Variants in ZNF451 observed in about 807,000 individuals in gnomAD.
ZNF451 encodes E3 SUMO-protein ligase ZNF451.
ZNF451 carries 80 observed loss-of-function variants against 107.1 expected under a neutral mutation model. The observed-to-expected ratio is 0.75, with a 90% CI of 0.62 to 0.90. The LOEUF is 0.90. Among genes scored for constraint, ZNF451 ranks in the 40% least tolerant of loss-of-function variants. The pLI is 0.00. For missense variants in ZNF451, 1,107 were observed against 1,236.2 expected (o/e 0.90, Z 1.57); for synonymous variants, 362 against 406.5 (o/e 0.89, Z 1.32).
chr6:57,123,691 G>A (rs1830756849), intron 3 of ZNF451, among the ~76,000 whole-genome samples: 1 of 151,988 alleles, frequency 6.6e-6, no homozygotes, highest in South Asian at 2.1e-4. Context: ...AAAGTTTTAT[G>A]TGTTATTTCA....
chr6:57,106,965 CTGGA>C, intron 3 of ZNF451: 3 of 927,638 alleles, frequency 3.2e-6, no homozygotes, highest in Non-Finnish European at 3.9e-6. Context: ...ATTTCCCTTC[CTGGA>C]TGAACAGAAT....
At chr6:57,101,420 C>T in intron 3 of ZNF451, 1 of 1,550,754 alleles carries the variant, frequency 6.4e-7, no homozygotes, top group Non-Finnish European at 8.7e-7. Context: ...GCCAAGGACA[C>T]CTCTCCTTTC....
chr6:57,102,499 T>A (rs1334010930), intron 3 of ZNF451: 2 of 992,634 alleles, frequency 2.0e-6, no homozygotes, highest in Non-Finnish European at 2.4e-6. Context: ...AGATGTCTGT[T>A]TACTAAGACC....
chr6:57,106,470 C>G, intron 3 of ZNF451: 1 of 560,364 alleles, frequency 1.8e-6, no homozygotes, highest in East Asian at 1.5e-4. Context: ...CCATGACCTG[C>G]TAATTTTGTA....
intron 3 of ZNF451, chr6:57,104,717 T>G (rs1165233880): frequency 4.2e-5 from 41 of 985,318 alleles, no homozygotes; most frequent in Non-Finnish European, 4.8e-5. Flanking sequence ...CTTAAATATT[T>G]GTAAGATGAT....
chr6:57,111,022 C>T (rs1461054283), intron 3 of ZNF451, among the ~76,000 whole-genome samples: 2 of 151,744 alleles, frequency 1.3e-5, no homozygotes, highest in Non-Finnish European at 2.9e-5. Flanking sequence ...CAGGTTCAAG[C>T]GATTCTCCTG....
intron 14 of ZNF451, among the ~76,000 whole-genome samples, chr6:57,161,677 T>C (rs913657131): frequency 6.6e-6 from 1 of 152,106 alleles, no homozygotes; most frequent in Non-Finnish European, 1.5e-5. Context: ...AAAATAAATT[T>C]TAAAAGGGTT....
At chr6:57,098,862 G>T (rs549782312) in intron 2 of ZNF451, among the ~76,000 whole-genome samples, 199 bp from the exon 3 acceptor site, 4 of 152,012 alleles carry the variant, frequency 2.6e-5, no homozygotes, top group Non-Finnish European at 5.9e-5. Context: ...CTTCCTTTTA[G>T]GTCTTGTCAT....
At chr6:57,109,711 G>A in intron 3 of ZNF451, 2 of 961,962 alleles carry the variant, frequency 2.1e-6, no homozygotes, top group Non-Finnish European at 2.5e-6. Context: ...TATATTTAAA[G>A]TAAAATAGTC....
chr6:57,154,129 T>G, intron 13 of ZNF451, 82 bp downstream of exon 13: 1 of 1,359,958 alleles, frequency 7.4e-7, no homozygotes, highest in Non-Finnish European at 1.0e-6. Flanking sequence ...TGCTGTCCGC[T>G]AGTGAACTGT....
chr6:57,108,343 C>T (rs150660613), intron 3 of ZNF451: 1 of 985,358 alleles, frequency 1.0e-6, no homozygotes, highest in African/African-American at 1.7e-5. Flanking sequence ...CTCTTGTTAA[C>T]TCTACTTTTA....
intron 6 of ZNF451, 21 bp from the exon 7 acceptor site, chr6:57,134,723 C>T (rs769996003): frequency 6.2e-6 from 10 of 1,606,346 alleles, no homozygotes; most frequent in Admixed American, 1.7e-5. Context: ...AATATTACCT[C>T]TTACCTCTTT....
chr6:57,115,698 G>A (rs1830334252), intron 3 of ZNF451: 1 of 152,164 alleles, frequency 6.6e-6, no homozygotes, highest in Admixed American at 6.5e-5. Flanking sequence ...GGGTATGGAA[G>A]AAAACTAATG....
intron 10 of ZNF451, among the ~76,000 whole-genome samples, chr6:57,149,786 G>C (rs1388907470): frequency 6.6e-6 from 1 of 151,854 alleles, no homozygotes; most frequent in East Asian, 1.9e-4. Context: ...TGAAACACTG[G>C]TTACACCATT....
At chr6:57,131,981 A>C (rs1182661984) in intron 5 of ZNF451, among the ~76,000 whole-genome samples, 1 of 152,176 alleles carries the variant, frequency 6.6e-6, no homozygotes, top group African/African-American at 2.4e-5. Flanking sequence ...GGATTCATCT[A>C]CAAGTTGTGT....
At chr6:57,103,836 G>T in intron 3 of ZNF451, 1 of 985,132 alleles carries the variant, frequency 1.0e-6, no homozygotes, top group Non-Finnish European at 1.2e-6. Flanking sequence ...ATAATCTATT[G>T]GAAGCTCATT....
chr6:57,138,353 C>T (rs1031646983), intron 7 of ZNF451, among the ~76,000 whole-genome samples: 3 of 151,664 alleles, frequency 2.0e-5, no homozygotes, highest in African/African-American at 7.3e-5. Flanking sequence ...ACCTCTGCCT[C>T]CCGGGTTCAA....
intron 3 of ZNF451, chr6:57,107,599 G>A (rs1829923702): frequency 3.0e-6 from 3 of 985,170 alleles, no homozygotes; most frequent in Non-Finnish European, 3.6e-6. Flanking sequence ...TTATAATACA[G>A]CTCTGATATA....
chr6:57,142,413 C>T (rs898699332), intron 9 of ZNF451, among the ~76,000 whole-genome samples: 4 of 152,168 alleles, frequency 2.6e-5, no homozygotes, highest in Non-Finnish European at 4.4e-5. Flanking sequence ...TGGAAAGTAT[C>T]ATATACATTT....
Sources: allele counts gnomAD v4.1 joint callset (sites outside exome capture counted in the v4.1 genomes callset), GRCh38; gene constraint gnomAD v4.1.1; transcripts MANE v1.5; gene names NCBI Gene and HGNC (gene_info 2026-07-23, HGNC 2026-07-21).